Variants in PRELID2 observed in about 807,000 individuals in gnomAD.
PRELID2 encodes PRELI domain-containing protein 2.
A neutral mutation model predicts 28.4 loss-of-function variants in PRELID2; 25 were observed. The observed-to-expected ratio is 0.88, with a 90% CI of 0.64 to 1.23. The LOEUF is 1.23. Among genes scored for constraint, PRELID2 ranks in the 50% most tolerant of loss-of-function variants. The pLI is 0.00. For synonymous variants in PRELID2, 76 were observed against 71.6 expected, an observed-to-expected ratio of 1.06 and a Z score of -0.31; for missense variants, 201 against 214.4, an observed-to-expected ratio of 0.94 and a Z score of 0.39.
chr5:145,372,790 C>T, the PRELID2 span, among the ~76,000 whole-genome samples: 1 of 148,932 alleles, frequency 6.7e-6, no homozygotes, highest in African/African-American at 2.5e-5. Flanking sequence ...TGGGTCTTGA[C>T]TCTTAATTTG....
At chr5:145,329,426 T>C in the PRELID2 span, among the ~76,000 whole-genome samples, 1 of 152,216 alleles carries the variant, frequency 6.6e-6, no homozygotes, top group Non-Finnish European at 1.5e-5. Flanking sequence ...GGAATGTTTT[T>C]CCATTTATTT....
At chr5:145,518,125 G>T (rs1719165133) in intron 1 of PRELID2, among the ~76,000 whole-genome samples, 1 of 136,222 alleles carries the variant, frequency 7.3e-6, no homozygotes, top group Admixed American at 7.8e-5. Flanking sequence ...ATGTGTCCCA[G>T]AACTTGAAGT....
chr5:145,484,734 A>T (rs771611910), intron 1 of PRELID2, among the ~76,000 whole-genome samples: 4 of 152,250 alleles, frequency 2.6e-5, no homozygotes, highest in Non-Finnish European at 5.9e-5. Context: ...AATTAACTTA[A>T]AAGTTAAGAA....
At chr5:145,283,406 A>C in the PRELID2 span, among the ~76,000 whole-genome samples, 99 of 152,342 alleles carry the variant, frequency 6.5e-4, 1 homozygote, top group Middle Eastern at 0.01. Flanking sequence ...ACTTGTTTTC[A>C]GCTGCAGTTA....
At chr5:145,404,327 A>G in the PRELID2 span, among the ~76,000 whole-genome samples, 3 of 152,214 alleles carry the variant, frequency 2.0e-5, no homozygotes, top group Non-Finnish European at 4.4e-5. Flanking sequence ...GCTGTCCTTC[A>G]AAAGGACAAC....
chr5:145,291,643 A>AT, the PRELID2 span, among the ~76,000 whole-genome samples: 1 of 151,926 alleles, frequency 6.6e-6, no homozygotes, highest in African/African-American at 2.4e-5. Flanking sequence ...CCATTGTTTT[A>AT]TTTTTTTCTT....
At chr5:145,247,035 G>T in the PRELID2 span, among the ~76,000 whole-genome samples, 4 of 152,156 alleles carry the variant, frequency 2.6e-5, no homozygotes, top group South Asian at 8.3e-4. Flanking sequence ...TGCTCCTGTG[G>T]ATAATATCAC....
chr5:145,418,972 A>T, the PRELID2 span, among the ~76,000 whole-genome samples: 3 of 149,104 alleles, frequency 2.0e-5, no homozygotes, highest in Non-Finnish European at 4.4e-5. Flanking sequence ...GAGTGAGAAT[A>T]TGTGGTGTTT....
chr5:145,835,336 C>T lies in PRELID2; in HGVS notation c.-85G>A, dbSNP rs1292191452. ...GGCTCCGCAGAGGCCCGGAGGCGCC[C>T]ACACTCGGACAGCCACATGGGCGTG... On this transcript the variant is annotated 5_prime_UTR_variant, in exon 1 of 7. Transcript: ENST00000683046. 1.2e-6 allele frequency: 1 copy of T among 824,844 alleles called. No individual in the cohort carries two copies. The highest frequency in any genetic ancestry group is 1.8e-5 in the African/African-American group (1 of 56,944). 51.1% of individuals were successfully genotyped at this position (824,844 alleles called of 1,614,324 possible). A position where few individuals can be genotyped will look rare whatever the true frequency, so the allele number is the denominator to read the frequency against.
At chr5:145,739,500 A>C (rs1179938461) in intron 1 of PRELID2, among the ~76,000 whole-genome samples, 2 of 152,144 alleles carry the variant, frequency 1.3e-5, no homozygotes, top group East Asian at 3.9e-4. Flanking sequence ...GCGAGACTCC[A>C]CCTCGAAAAA....
intron 1 of PRELID2, among the ~76,000 whole-genome samples, chr5:145,502,480 T>A (rs1036475944): frequency 6.6e-6 from 1 of 152,154 alleles, no homozygotes; most frequent in Non-Finnish European, 1.5e-5. Context: ...AAGGTAGAGA[T>A]AACAGAAGCT....
chr5:145,379,616 C>T, the PRELID2 span, among the ~76,000 whole-genome samples: 9 of 152,130 alleles, frequency 5.9e-5, no homozygotes, highest in Non-Finnish European at 1.3e-4. Flanking sequence ...ACCAAGGCTT[C>T]ACCTGCAATG....
At chr5:145,380,824 T>C in the PRELID2 span, among the ~76,000 whole-genome samples, 4 of 152,150 alleles carry the variant, frequency 2.6e-5, no homozygotes, top group African/African-American at 4.8e-5. Flanking sequence ...CACAAATGCC[T>C]AAAATATTGT....
chr5:145,558,144 C>T (rs1331222264), intron 1 of PRELID2, among the ~76,000 whole-genome samples: 1 of 152,160 alleles, frequency 6.6e-6, no homozygotes, highest in Non-Finnish European at 1.5e-5. Flanking sequence ...AACTCTCCGA[C>T]ATTTGGTTTC....
At chr5:145,399,442 A>G in the PRELID2 span, among the ~76,000 whole-genome samples, 1 of 152,096 alleles carries the variant, frequency 6.6e-6, no homozygotes, top group Non-Finnish European at 1.5e-5. Flanking sequence ...ATGCAAAATT[A>G]TATGCTCTTC....
chr5:145,740,356 C>A (rs1581120883), intron 1 of PRELID2, among the ~76,000 whole-genome samples: 1 of 115,328 alleles, frequency 8.7e-6, no homozygotes, highest in Non-Finnish European at 1.8e-5. Flanking sequence ...AACAGAGCTG[C>A]AAAATATGTG....
the PRELID2 span, among the ~76,000 whole-genome samples, chr5:145,325,598 T>A: frequency 3.9e-5 from 6 of 152,156 alleles, no homozygotes; most frequent in Non-Finnish European, 8.8e-5. Context: ...ATTAACCCCA[T>A]GTTTTCTAAT....
At chr5:145,669,916 T>C (rs576185929) in intron 1 of PRELID2, among the ~76,000 whole-genome samples, 2 of 152,228 alleles carry the variant, frequency 1.3e-5, no homozygotes. Context: ...TCTTAGAGCC[T>C]CTCATAGCAC....
intron 1 of PRELID2, among the ~76,000 whole-genome samples, chr5:145,662,545 G>T (rs1193917087): frequency 6.6e-6 from 1 of 152,092 alleles, no homozygotes; most frequent in Non-Finnish European, 1.5e-5. Flanking sequence ...CCTCAATGTG[G>T]CAGTATTGAG....
Sources: allele counts gnomAD v4.1 joint callset (sites outside exome capture counted in the v4.1 genomes callset), GRCh38; gene constraint gnomAD v4.1.1; transcripts MANE v1.5; gene names NCBI Gene and HGNC (gene_info 2026-07-23, HGNC 2026-07-21).